The following NRK variants were observed in gnomAD, a reference collection of about 807,000 sequenced individuals.
The protein encoded by NRK is Nik related kinase.
Under a neutral mutation model 125.2 loss-of-function variants are expected in NRK, and 67 were observed. The observed-to-expected ratio is 0.54, with a 90% CI of 0.44 to 0.66. NRK has a LOEUF of 0.66. Ranked by LOEUF, NRK falls within the 30% of genes least tolerant of loss-of-function variation. NRK has a pLI of 0.00. For missense variants in NRK, 1,224 were observed against 1,192.9 expected, an observed-to-expected ratio of 1.03 and a Z score of -0.38; for synonymous variants, 458 against 429.0, an observed-to-expected ratio of 1.07 and a Z score of -0.84.
intron 4 of NRK, among the ~76,000 whole-genome samples, chrX:105,886,696 G>A (rs2039951539): frequency 9.4e-6 from 1 of 106,171 alleles, no homozygotes; most frequent in Non-Finnish European, 1.9e-5. Context: ...TATTTTATTA[G>A]TATATTTCTC....
rs967216481 is a variant in NRK at position 105,947,257 on chromosome X, A to C, written c.4353+793A>C. On this transcript the variant is annotated intron_variant, in intron 26 of 28. Coordinates refer to ENST00000243300, the MANE Select transcript of NRK (RefSeq NM_198465.4). ...AGGAGATCGAGACCATCCCGGCTAA[A>C]ACGGTGAAACCCCGTCTCTACTAAA... 3.6e-5 allele frequency among the ~76,000 whole-genome samples: 3 copies of C among 82,281 alleles called. 1 individual carries two copies. The highest frequency in any genetic ancestry group is 6.5e-5 in the Non-Finnish European group (3 of 46,356). 71.5% of individuals were successfully genotyped at this position (82,281 alleles called of 115,157 possible).
chrX:105,843,120 A>G (rs903271423), intron 2 of NRK, among the ~76,000 whole-genome samples: 1 of 111,954 alleles, frequency 8.9e-6, no homozygotes, highest in African/African-American at 3.2e-5. Flanking sequence ...TGTACATATT[A>G]GGCAGCAGGG....
intron 4 of NRK, among the ~76,000 whole-genome samples, chrX:105,883,794 T>C (rs1040553079): frequency 1.2e-4 from 14 of 112,869 alleles, no homozygotes; most frequent in African/African-American, 4.2e-4. Context: ...TTGCACTACT[T>C]ATGAGTTCAT....
intron 2 of NRK, among the ~76,000 whole-genome samples, chrX:105,836,614 A>G (rs1376279449): frequency 8.9e-6 from 1 of 112,176 alleles, no homozygotes; most frequent in African/African-American, 3.2e-5. Context: ...TCCTCTTTAC[A>G]CCAATAATTC....
chrX:105,955,463 G>A, intron 28 of NRK, 42 bp from the exon 29 acceptor site: 3 of 758,202 alleles, frequency 4.0e-6, no homozygotes, highest in African/African-American at 2.1e-5. Context: ...TGGTTGCAAT[G>A]TATTAAATAT....
chrX:105,932,034 C>G (rs764476481), intron 19 of NRK, among the ~76,000 whole-genome samples: 2 of 111,197 alleles, frequency 1.8e-5, no homozygotes, highest in African/African-American at 6.5e-5. Flanking sequence ...CTGATAACCT[C>G]TATTCTACTT....
chrX:105,863,980 G>A (rs1207884304), intron 2 of NRK, among the ~76,000 whole-genome samples: 1 of 112,382 alleles, frequency 8.9e-6, no homozygotes, highest in Non-Finnish European at 1.9e-5. Context: ...AATCTTCCAA[G>A]CTTTATCTTA....
At chrX:105,860,043 G>T (rs2039581914) in intron 2 of NRK, among the ~76,000 whole-genome samples, 1 of 111,329 alleles carries the variant, frequency 9.0e-6, no homozygotes, top group African/African-American at 3.3e-5. Context: ...TTTTTTTATT[G>T]CTTGCTATGT....
chrX:105,839,664 C>A (rs929417285), intron 2 of NRK, among the ~76,000 whole-genome samples: 4 of 111,643 alleles, frequency 3.6e-5, no homozygotes, highest in African/African-American at 1.3e-4. Flanking sequence ...ACAGTATGTC[C>A]CAAGTATCAT....
chrX:105,861,646 A>G (rs2039602336), intron 2 of NRK, among the ~76,000 whole-genome samples: 1 of 112,444 alleles, frequency 8.9e-6, no homozygotes, highest in Non-Finnish European at 1.9e-5. Context: ...AATTGTCTTG[A>G]CATTCTTGTT....
chrX:105,838,626 G>T (rs2039294794), intron 2 of NRK, among the ~76,000 whole-genome samples: 1 of 111,361 alleles, frequency 9.0e-6, no homozygotes, highest in Non-Finnish European at 1.9e-5. Flanking sequence ...TTCTACAGTT[G>T]GGCATACAGC....
intron 7 of NRK, 69 bp from the exon 8 acceptor site, chrX:105,898,515 G>T: frequency 9.9e-7 from 1 of 1,013,597 alleles, no homozygotes; most frequent in Non-Finnish European, 1.3e-6. Context: ...AGCTTTCCAA[G>T]TTAAAGCAAT....
Position 105,888,426 on chromosome X carries a change from TTTTAA to T in NRK, c.378+10_378+14del. On this transcript the variant is annotated splice_region_variant and intron_variant, in intron 5 of 28. Transcript: ENST00000243300. ...TCAGCGGCACCAACTTTGGGTATGT[TTTTAA>T]TTACACTGTTCTTATTCTATAAGAA... 1 of 1,175,739 alleles carries T rather than the reference TTTTAA, an allele frequency of 8.5e-7. No homozygotes were observed. The highest frequency in any genetic ancestry group is 1.1e-6 in the Non-Finnish European group (1 of 872,832).
chrX:105,926,281 G>T (rs1229899402), intron 19 of NRK, among the ~76,000 whole-genome samples: 1 of 110,932 alleles, frequency 9.0e-6, no homozygotes, highest in Non-Finnish European at 1.9e-5. Flanking sequence ...TGTCCATTTT[G>T]TTTATTATAC....
chrX:105,863,321 G>GACACACACACAC (rs769445045), intron 2 of NRK, among the ~76,000 whole-genome samples: 61 of 60,452 alleles, frequency 1.0e-3, no homozygotes, highest in Middle Eastern at 8.4e-3. Flanking sequence ...AATAGTAACA[G>GACACACACACAC]ACACACACAC....
chrX:105,934,643 T>C (rs2040637868), intron 20 of NRK, among the ~76,000 whole-genome samples, 199 bp downstream of exon 20: 1 of 112,008 alleles, frequency 8.9e-6, no homozygotes, highest in South Asian at 3.7e-4. Flanking sequence ...AATTGAGAAA[T>C]TGAGTCCCTT....
intron 13 of NRK, among the ~76,000 whole-genome samples, 160 bp from the exon 14 acceptor site, chrX:105,912,488 C>A (rs901157514): frequency 9.0e-6 from 1 of 110,612 alleles, no homozygotes; most frequent in Non-Finnish European, 1.9e-5. Context: ...TGGTTTAAAT[C>A]ATTTTTAATA....
In NRK at chrX:105,908,301, C is replaced by T. The variant is rs1434932910; in HGVS notation, c.1083C>T (p.Phe361=). 5.0e-6 allele frequency: 5 copies of T among 1,000,997 alleles called. No homozygotes were observed. The highest frequency in any genetic ancestry group is 2.0e-5 in the African/African-American group (1 of 50,334). The allele number at this position is 1,000,997 out of a possible 1,213,427, so 82.5% of individuals were successfully genotyped here. A position where few individuals can be genotyped will look rare whatever the true frequency, so the allele number is the denominator to read the frequency against. The stretch of plus-strand genomic sequence containing the variant: ...AGGAACAGTACACCGTGAGAAGATT[C>T]AGGTGCGTTCCACAAATTGCATATA... The part of the protein sequence containing the change: ...AIKEQYTVRR[F]RGPSCTHELL... Residue 361 remains phenylalanine (F), a splice_region_variant and synonymous_variant, in exon 12 of 29, where the codon TTC becomes TTT. Transcript: ENST00000243300.
chrX:105,842,739 G>T (rs774018343), intron 2 of NRK, among the ~76,000 whole-genome samples: 13 of 111,447 alleles, frequency 1.2e-4, no homozygotes, highest in African/African-American at 4.2e-4. Context: ...AGGTTAGAGG[G>T]TGGCAGAGGC....
Sources: allele counts gnomAD v4.1 joint callset (sites outside exome capture counted in the v4.1 genomes callset), GRCh38; gene constraint gnomAD v4.1.1; transcripts MANE v1.5; gene names NCBI Gene and HGNC (gene_info 2026-07-23, HGNC 2026-07-21).